RHOH: variants seen among roughly 807,000 people sequenced by gnomAD.
RHOH encodes ras homolog family member H.
A neutral mutation model predicts 13.8 loss-of-function variants in RHOH; 6 were observed. The ratio of observed to expected loss-of-function variants is 0.44; its 90% CI spans 0.24 to 0.86. The LOEUF is 0.86. RHOH is among the 40% of genes least tolerant of loss of function. The pLI is 0.24. For synonymous variants in RHOH, 117 were observed against 103.0 expected, an observed-to-expected ratio of 1.14 and a Z score of -0.82; for missense variants, 147 against 244.5, an observed-to-expected ratio of 0.60 and a Z score of 2.66.
intron 1 of RHOH, among the ~76,000 whole-genome samples, chr4:40,215,174 A>G (rs759463500): frequency 6.6e-6 from 1 of 152,180 alleles, no homozygotes; most frequent in Non-Finnish European, 1.5e-5. Flanking sequence ...GGTTCCTCTT[A>G]CGAGACATCA....
chr4:40,242,449 G>A lies in RHOH; in HGVS notation c.-330-265G>A, dbSNP rs189460342. 3.3e-5 allele frequency among the ~76,000 whole-genome samples: 5 copies of A among 152,316 alleles called. No homozygotes were observed. In the East Asian group the frequency reaches 9.6e-4, roughly 29 times the overall value. Reference sequence around the variant, plus strand: ...TTGCAGATGTGTAAGCTGAGGTGTGGAGTTCAAGCAGCGTGCTCAAAGCCA... The same window carrying A: ...TTGCAGATGTGTAAGCTGAGGTGTGAAGTTCAAGCAGCGTGCTCAAAGCCA... On this transcript the variant is annotated intron_variant, in intron 1 of 2. Coordinates refer to ENST00000381799, the MANE Select transcript of RHOH (RefSeq NM_004310.5).
intron 1 of RHOH, among the ~76,000 whole-genome samples, chr4:40,216,046 C>T (rs1050438504): frequency 2.0e-5 from 3 of 152,072 alleles, no homozygotes; most frequent in Admixed American, 1.3e-4. Flanking sequence ...GCTCGTTTTC[C>T]GCTTTTTCAT....
upstream of RHOH, among the ~76,000 whole-genome samples, chr4:40,194,388 C>T (rs998369260): frequency 1.3e-5 from 2 of 152,040 alleles, no homozygotes; most frequent in Non-Finnish European, 2.9e-5. Context: ...GCTACCGTGC[C>T]TGGCTAATTT....
At chr4:40,215,940 A>G (rs1725823706) in intron 1 of RHOH, among the ~76,000 whole-genome samples, 1 of 151,570 alleles carries the variant, frequency 6.6e-6, no homozygotes, top group Admixed American at 6.6e-5. Context: ...CAAATAAGTA[A>G]AATATATATA....
At chr4:40,219,575 T>C (rs1025864244) in intron 1 of RHOH, among the ~76,000 whole-genome samples, 3 of 152,092 alleles carry the variant, frequency 2.0e-5, no homozygotes, top group Non-Finnish European at 4.4e-5. Flanking sequence ...GAGGGAGGTA[T>C]ATTTTTCACT....
At chr4:40,230,341 AC>A (rs199611058) in intron 1 of RHOH, among the ~76,000 whole-genome samples, 1,550 of 151,426 alleles carry the variant, frequency 0.01, 17 homozygotes, top group African/African-American at 0.034. Flanking sequence ...CCCGGCCTGG[AC>A]TTTTTTGAGT....
At chr4:40,228,896 C>T (rs1177563350) in intron 1 of RHOH, among the ~76,000 whole-genome samples, 6 of 152,066 alleles carry the variant, frequency 3.9e-5, no homozygotes, top group East Asian at 1.9e-4. Context: ...TTCATTATGA[C>T]GTTTGTTCTT....
At chr4:40,205,052 C>T (rs578261865) in intron 1 of RHOH, among the ~76,000 whole-genome samples, 2 of 152,268 alleles carry the variant, frequency 1.3e-5, no homozygotes, top group African/African-American at 4.8e-5. Context: ...CATCTGAGGT[C>T]AGGAGTTCGA....
chr4:40,197,375 C>T (rs1002164411), intron 1 of RHOH, 75 bp downstream of exon 1: 1 of 151,752 alleles, frequency 6.6e-6, no homozygotes, highest in African/African-American at 2.4e-5. Flanking sequence ...AGCTTTTACT[C>T]TAGGCCAAAC....
At position 40,224,832 on chromosome 4, in the gene RHOH, G is replaced by T. The variant is rs551025846; in HGVS notation, c.-330-17882G>T. Among the ~76,000 whole-genome samples, 4 of 152,370 alleles carry T rather than the reference G, an allele frequency of 2.6e-5. No homozygotes were observed. In the East Asian group the frequency reaches 7.7e-4, roughly 29 times the overall value. On this transcript the variant is annotated intron_variant, in intron 1 of 2. Transcript: ENST00000381799. The stretch of plus-strand genomic sequence containing the variant: ...TATTTAAATTTGAAACAACAAAGGA[G>T]AATGCAAACTACAAAGTATAATTAA...
At position 40,243,971 on chromosome 4, in the gene RHOH, A is replaced by G; in HGVS notation, c.*9A>G. Reference sequence around the variant, plus strand: ...AGTGCAAGATCTTCTAAACCCCAAGAGACTTCACACAACACTTATGTATGC... The same window carrying G: ...AGTGCAAGATCTTCTAAACCCCAAGGGACTTCACACAACACTTATGTATGC... On this transcript the variant is annotated 3_prime_UTR_variant, in exon 3 of 3. Coordinates refer to ENST00000381799, the MANE Select transcript of RHOH (RefSeq NM_004310.5). This position sits in a 1 kb window ranked among gnomAD's most constrained non-coding sequence, Gnocchi z 6.2. 1 of 1,601,676 alleles carries G rather than the reference A, an allele frequency of 6.2e-7. No homozygotes were observed.
At chr4:40,222,056 C>G (rs912238758) in intron 1 of RHOH, among the ~76,000 whole-genome samples, 2 of 152,138 alleles carry the variant, frequency 1.3e-5, no homozygotes, top group Non-Finnish European at 2.9e-5. Flanking sequence ...TAACTTGCTT[C>G]AATTCTATGA....
intron 1 of RHOH, among the ~76,000 whole-genome samples, chr4:40,205,985 C>T (rs1560687059): frequency 6.6e-6 from 1 of 152,210 alleles, no homozygotes; most frequent in Non-Finnish European, 1.5e-5. Context: ...GACTACATTT[C>T]TTGTAAGTTT....
rs577042777 is a variant in RHOH at position 40,244,956 on chromosome 4, T to C, written c.*994T>C. On this transcript the variant is annotated 3_prime_UTR_variant, in exon 3 of 3. Coordinates refer to ENST00000381799, the MANE Select transcript of RHOH (RefSeq NM_004310.5). ...TAATTTATGAATCGTAAGGTCTAGT[T>C]AGGCTTATTGGGGGGATATCTACAT... 6.4e-5 allele frequency: 10 copies of C among 155,888 alleles called. No homozygotes were observed. Among genetic ancestry groups the C allele is most frequent in the African/African-American group, 2.4e-4 (10 of 41,674 alleles). The allele number at this position is 155,888 out of a possible 1,614,324, so 9.7% of individuals were successfully genotyped here. A position where few individuals can be genotyped will look rare whatever the true frequency, so the allele number is the denominator to read the frequency against.
At chr4:40,201,073 G>A (rs900911657) in intron 1 of RHOH, among the ~76,000 whole-genome samples, 12 of 152,108 alleles carry the variant, frequency 7.9e-5, no homozygotes, top group Admixed American at 2.0e-4. Context: ...CAGAAGATAC[G>A]GTTCTCATCA....
At chr4:40,191,900 A>C (rs987644242), upstream of RHOH, among the ~76,000 whole-genome samples, 1 of 151,852 alleles carries the variant, frequency 6.6e-6, no homozygotes, top group Non-Finnish European at 1.5e-5. Context: ...AAGCTAGAAG[A>C]TGTTTCAAAT....
In RHOH at chr4:40,243,794, G is replaced by A. The variant is rs368977127; in HGVS notation, c.408G>A (p.Gly136=). Reference sequence around the variant, plus strand: ...CCTCCTGCGTCAATGCCATGGAAGGGAAGAAACTGGCCCAGGATGTCAGAG... The same window carrying A: ...CCTCCTGCGTCAATGCCATGGAAGGAAAGAAACTGGCCCAGGATGTCAGAG... The part of the protein sequence containing the change: ...HRASCVNAME[G]KKLAQDVRAK... Residue 136 remains glycine, a synonymous_variant, in exon 3 of 3, where the codon GGG becomes GGA. Transcript: ENST00000381799. This position sits in a 1 kb window ranked among gnomAD's most constrained non-coding sequence, Gnocchi z 6.2. 27 of 1,614,030 alleles carry A rather than the reference G, an allele frequency of 1.7e-5. No individual in the cohort carries two copies. The African/African-American group carries it at 3.3e-4, about 20-fold the overall frequency.
chr4:40,194,719 G>A (rs1000402498), upstream of RHOH, among the ~76,000 whole-genome samples: 1 of 152,194 alleles, frequency 6.6e-6, no homozygotes, highest in Non-Finnish European at 1.5e-5. Flanking sequence ...GAACATCAAA[G>A]TGGTGCTGTG....
In RHOH at chr4:40,224,685, T is replaced by C. The variant is rs910189131; in HGVS notation, c.-330-18029T>C. 3.3e-5 allele frequency among the ~76,000 whole-genome samples: 5 copies of C among 152,382 alleles called. No individual in the cohort carries two copies. The East Asian group carries it at 9.6e-4, about 29-fold the overall frequency. On this transcript the variant is annotated intron_variant, in intron 1 of 2. Coordinates refer to ENST00000381799, the MANE Select transcript of RHOH (RefSeq NM_004310.5). ...GGCCAAGTTGCATCTTCAGCTTCTATGGCACAGCATAGTCCTGAGTTTAAG... is the reference window on the plus strand; with the variant it reads ...GGCCAAGTTGCATCTTCAGCTTCTACGGCACAGCATAGTCCTGAGTTTAAG...
Sources: gnomAD v4.1 joint callset for allele counts (sites outside exome capture counted in the v4.1 genomes callset) on GRCh38, gnomAD v4.1.1 for gene constraint, Gnocchi (gnomAD v3.1) non-coding constraint, MANE v1.5 for transcripts, NCBI Gene and HGNC (gene_info 2026-07-23, HGNC 2026-07-21) for gene names.